The following EDNRB variants were observed in gnomAD, a reference collection of about 807,000 sequenced individuals.
EDNRB encodes endothelin receptor type B, also known as Hirschsprung disease 2.
A neutral mutation model predicts 46.4 loss-of-function variants in EDNRB; 18 were observed. That is an observed-to-expected ratio of 0.39 (90% CI 0.27 to 0.57). The LOEUF (loss-of-function observed/expected upper bound fraction) is 0.57, where lower values mean the gene tolerates loss of function less well. Ranked by LOEUF, EDNRB falls within the 20% of genes least tolerant of loss-of-function variation. The pLI is 0.61. For missense variants in EDNRB, 434 were observed against 537.5 expected (o/e 0.81, Z 1.90); for synonymous variants, 213 against 204.9 (o/e 1.04, Z -0.34).
intron 1 of EDNRB, among the ~76,000 whole-genome samples, chr13:77,970,854 A>G (rs903115249): frequency 1.3e-5 from 2 of 152,124 alleles, no homozygotes; most frequent in Non-Finnish European, 2.9e-5. Context: ...CAGTGACTTG[A>G]TGTATACACT....
At chr13:77,962,632 G>C (rs1881458105) in intron 1 of EDNRB, among the ~76,000 whole-genome samples, 1 of 152,086 alleles carries the variant, frequency 6.6e-6, no homozygotes, top group Admixed American at 6.5e-5. Flanking sequence ...AAAATCATAA[G>C]AGCTATTTAT....
intron 1 of EDNRB, among the ~76,000 whole-genome samples, chr13:77,908,425 C>CAAAAAAAAAAAAAAAAAAAATAAA (rs1879400877): frequency 4.5e-5 from 1 of 21,998 alleles, no homozygotes. Context: ...TGAAGTTTTG[C>CAAAAAAAAAAAAAAAAAAAATAAA]CAAAAAAAAA....
intron 1 of EDNRB, among the ~76,000 whole-genome samples, chr13:77,957,222 T>C (rs966035756): frequency 6.6e-6 from 1 of 152,212 alleles, no homozygotes; most frequent in African/African-American, 2.4e-5. Context: ...TAGAACTCCA[T>C]TTTAAGTATT....
chr13:77,937,927 G>A (rs1421054611), intron 1 of EDNRB, among the ~76,000 whole-genome samples: 1 of 152,168 alleles, frequency 6.6e-6, no homozygotes, highest in Admixed American at 6.5e-5. Flanking sequence ...ATGCCTGGAT[G>A]TCAGGCATTT....
In EDNRB at chr13:77,897,162, A is replaced by G; in HGVS notation, c.*1038T>C. On this transcript the variant is annotated 3_prime_UTR_variant, in exon 7 of 7. Transcript: ENST00000646607. ...GTGGACACTGCACCAGGCAGTTCAC[A>G]GTCTTTATTATGAGGTCACTGGCAT... 1.0e-6 allele frequency: 1 copy of G among 985,484 alleles called. No homozygotes were observed. 61.0% of individuals were successfully genotyped at this position (985,484 alleles called of 1,614,324 possible).
Position 77,903,147 on chromosome 13 carries a change from G to T in EDNRB, c.801+9C>A, listed in dbSNP as rs570185768. Reference sequence around the variant, plus strand: ...GAGCAGAAAGGAAAATAAAAAAAGTGAAATTTACCTGCATGAAAGCTGTCT... The same window carrying T: ...GAGCAGAAAGGAAAATAAAAAAAGTTAAATTTACCTGCATGAAAGCTGTCT... On this transcript the variant is annotated intron_variant, in intron 3 of 6. Transcript: ENST00000646607. 18 of 1,612,310 alleles carry T rather than the reference G, an allele frequency of 1.1e-5. No individual in the cohort carries two copies. In the East Asian group the frequency reaches 4.0e-4, roughly 36 times the overall value.
chr13:77,931,766 A>C (rs1367281860), intron 1 of EDNRB, among the ~76,000 whole-genome samples: 4 of 142,224 alleles, frequency 2.8e-5, no homozygotes, highest in African/African-American at 5.1e-5. Context: ...AAAAACAAAA[A>C]AAAAAAAACA....
intron 1 of EDNRB, among the ~76,000 whole-genome samples, chr13:77,932,048 TAAA>T (rs5804946): frequency 6.9e-6 from 1 of 144,010 alleles, no homozygotes. Flanking sequence ...GGTGAATTAT[TAAA>T]AAAAAAAAAA....
intron 1 of EDNRB, 46 bp from the exon 2 acceptor site, chr13:77,903,653 G>T: frequency 6.6e-7 from 1 of 1,507,368 alleles, no homozygotes; most frequent in Non-Finnish European, 9.2e-7. Flanking sequence ...TTCATAAGAT[G>T]CCCTCTGAAT....
At chr13:77,968,085 C>T (rs929696844) in intron 1 of EDNRB, among the ~76,000 whole-genome samples, 8 of 152,054 alleles carry the variant, frequency 5.3e-5, no homozygotes, top group Admixed American at 1.3e-4. Context: ...AGTAATATTA[C>T]ACCATATGAA....
At chr13:77,973,956 T>C (rs1478410282) in intron 1 of EDNRB, among the ~76,000 whole-genome samples, 1 of 151,174 alleles carries the variant, frequency 6.6e-6, no homozygotes, top group Non-Finnish European at 1.5e-5. Context: ...TTTTTGAAGA[T>C]GATAACCATT....
intron 1 of EDNRB, among the ~76,000 whole-genome samples, chr13:77,927,852 A>G (rs4275748): frequency 0.56 from 84,743 of 152,032 alleles, 24,367 homozygotes; most frequent in Middle Eastern, 0.67. Flanking sequence ...CATGTGCATG[A>G]GAGGGACCTG....
chr13:77,916,767 C>T (rs1287378534), intron 1 of EDNRB, among the ~76,000 whole-genome samples: 1 of 152,136 alleles, frequency 6.6e-6, no homozygotes, highest in Non-Finnish European at 1.5e-5. Flanking sequence ...TAGCTATAGG[C>T]AAATCTGCAA....
At chr13:77,934,579 C>G (rs1416525912) in intron 1 of EDNRB, among the ~76,000 whole-genome samples, 1 of 150,780 alleles carries the variant, frequency 6.6e-6, no homozygotes, top group Admixed American at 6.7e-5. Context: ...AGTGTCTACT[C>G]AGACTAAGAG....
At chr13:77,941,264 G>T (rs916589930) in intron 1 of EDNRB, among the ~76,000 whole-genome samples, 14 of 152,170 alleles carry the variant, frequency 9.2e-5, no homozygotes, top group Admixed American at 2.0e-4. Flanking sequence ...TAGTCCAGAG[G>T]TTCAGTGTGA....
chr13:77,916,770 A>T (rs1879826394), intron 1 of EDNRB, among the ~76,000 whole-genome samples: 1 of 152,154 alleles, frequency 6.6e-6, no homozygotes. Context: ...CTATAGGCAA[A>T]TCTGCAAAGC....
chr13:77,927,731 A>G (rs114595918), intron 1 of EDNRB, among the ~76,000 whole-genome samples: 1,995 of 152,332 alleles, frequency 0.013, 41 homozygotes, highest in African/African-American at 0.046. Context: ...GGAATAATCC[A>G]TAGCTTATGA....
At chr13:77,960,511 C>A (rs1192633186) in intron 1 of EDNRB, among the ~76,000 whole-genome samples, 1 of 152,142 alleles carries the variant, frequency 6.6e-6, no homozygotes, top group African/African-American at 2.4e-5. Flanking sequence ...CACACCAGGC[C>A]TGCCCTACAA....
intron 1 of EDNRB, among the ~76,000 whole-genome samples, chr13:77,930,066 TAA>T (rs1184759518): frequency 6.6e-6 from 1 of 152,198 alleles, no homozygotes; most frequent in Non-Finnish European, 1.5e-5. Flanking sequence ...GATTGAAAGC[TAA>T]GTTTATGCAA....
Sources: gnomAD v4.1 joint callset for allele counts (sites outside exome capture counted in the v4.1 genomes callset) on GRCh38, gnomAD v4.1.1 for gene constraint, MANE v1.5 for transcripts, NCBI Gene and HGNC (gene_info 2026-07-23, HGNC 2026-07-21) for gene names.